STAU2: variants seen among roughly 807,000 people sequenced by gnomAD.
The protein encoded by STAU2 is staufen double-stranded RNA binding protein 2.
In STAU2, 20 loss-of-function variants were observed where a neutral mutation model predicts 65.9. The observed-to-expected ratio is 0.30, with a 90% confidence interval of 0.21 to 0.44. STAU2 has a LOEUF of 0.44. Ranked by LOEUF, STAU2 falls within the 20% of genes least tolerant of loss-of-function variation. STAU2 has a pLI of 1.00. For synonymous variants in STAU2, 232 were observed against 233.9 expected (o/e 0.99, Z 0.07); for missense variants, 558 against 683.9 (o/e 0.82, Z 2.05).
chr8:73,708,751 C>T (rs1218220959), intron 4 of STAU2, among the ~76,000 whole-genome samples: 1 of 152,082 alleles, frequency 6.6e-6, no homozygotes, highest in Non-Finnish European at 1.5e-5. Context: ...ACTTAACTTT[C>T]CTGTGCCTGA....
At chr8:73,559,648 A>C (rs1361847359) in intron 12 of STAU2, among the ~76,000 whole-genome samples, 20 of 152,296 alleles carry the variant, frequency 1.3e-4, no homozygotes, top group African/African-American at 4.3e-4. Flanking sequence ...ATGTCCCTGA[A>C]GGTCAGGGAC....
chr8:73,551,274 G>T, intron 13 of STAU2: 1 of 987,326 alleles, frequency 1.0e-6, no homozygotes, highest in South Asian at 4.7e-5. Flanking sequence ...AGAATAAATA[G>T]GGGAAAAAAA....
chr8:73,566,473 T>TA (rs1456634694), intron 12 of STAU2, among the ~76,000 whole-genome samples: 2 of 152,178 alleles, frequency 1.3e-5, no homozygotes, highest in Admixed American at 1.3e-4. Flanking sequence ...AAATGTTTTA[T>TA]AAAAAAAGAT....
intron 9 of STAU2, among the ~76,000 whole-genome samples, chr8:73,609,657 A>G (rs114237348): frequency 1.3e-5 from 2 of 151,648 alleles, no homozygotes; most frequent in Non-Finnish European, 2.9e-5. Flanking sequence ...TGTCTCAATT[A>G]AAAAAAAATT....
intron 3 of STAU2, among the ~76,000 whole-genome samples, chr8:73,729,248 G>A (rs1175094669): frequency 6.6e-6 from 1 of 152,138 alleles, no homozygotes; most frequent in Non-Finnish European, 1.5e-5. Context: ...GCAATCCTGG[G>A]AATAAGTCCC....
rs201459429 is a variant in STAU2 at position 73,696,304 on chromosome 8, CCTAA to C, written c.115-7495_115-7492del. Among the ~76,000 whole-genome samples the C allele has an allele frequency of 5.4e-3, 830 of 152,322 alleles. 6 individuals are homozygous for C. Among genetic ancestry groups the C allele is most frequent in the African/African-American group, 0.016 (651 of 41,572 alleles). Reference sequence around the variant, plus strand: ...CAGACTCTGAAGACTACAATAAATACCTAACTGTTTAAAGCCCAGACACCAACAA... The same window carrying C: ...CAGACTCTGAAGACTACAATAAATACCTGTTTAAAGCCCAGACACCAACAA... On this transcript the variant is annotated intron_variant, in intron 4 of 14. Transcript: ENST00000524300.
chr8:73,634,173 A>G (rs1814321702), intron 6 of STAU2, among the ~76,000 whole-genome samples: 1 of 152,200 alleles, frequency 6.6e-6, no homozygotes, highest in Non-Finnish European at 1.5e-5. Flanking sequence ...AAACTCCAAA[A>G]CATTCAAAAC....
intron 13 of STAU2, among the ~76,000 whole-genome samples, chr8:73,517,039 C>T (rs1219450434): frequency 6.6e-6 from 1 of 151,956 alleles, no homozygotes; most frequent in Admixed American, 6.6e-5. Flanking sequence ...AACATAGAGG[C>T]ATACAGAATA....
At chr8:73,446,535 C>T (rs1818476508) in intron 13 of STAU2, among the ~76,000 whole-genome samples, 1 of 152,192 alleles carries the variant, frequency 6.6e-6, no homozygotes, top group Admixed American at 6.5e-5. Flanking sequence ...TGTACTATTT[C>T]TACTACATTC....
At chr8:73,715,362 A>G (rs1360209499) in intron 3 of STAU2, among the ~76,000 whole-genome samples, 1 of 151,490 alleles carries the variant, frequency 6.6e-6, no homozygotes, top group Non-Finnish European at 1.5e-5. Flanking sequence ...AGGCTGAGGC[A>G]CCAGAATCGC....
intron 11 of STAU2, among the ~76,000 whole-genome samples, chr8:73,586,947 T>A (rs1170809400): frequency 1.3e-5 from 2 of 152,176 alleles, no homozygotes; most frequent in South Asian, 2.1e-4. Context: ...AAGAAATTAT[T>A]AAAGAAATAA....
chr8:73,700,548 C>A (rs1820025546), intron 4 of STAU2, among the ~76,000 whole-genome samples: 1 of 151,782 alleles, frequency 6.6e-6, no homozygotes. Flanking sequence ...AAAAAGAAAT[C>A]AAAAAAGTAA....
At chr8:73,594,302 A>C (rs73328786) in intron 11 of STAU2, among the ~76,000 whole-genome samples, 4,326 of 152,310 alleles carry the variant, frequency 0.028, 174 homozygotes, top group African/African-American at 0.095. Context: ...GAAAACAAAA[A>C]AGTACATCTA....
At position 73,688,803 on chromosome 8, in the gene STAU2, A is replaced by T. The variant is rs775015905; in HGVS notation, c.125T>A (p.Val42Glu). The T allele has an allele frequency of 3.7e-6, 6 of 1,613,982 alleles. No homozygotes were observed. The highest frequency in any genetic ancestry group is 5.1e-6 in the Non-Finnish European group (6 of 1,179,942). Residue 42 changes from valine (V) to glutamate (E), a missense_variant, in exon 5 of 15, where the codon GTG becomes GAG. This residue lies in a region of STAU2 where 112 missense variants were observed against 114.2 expected (regional missense o/e 0.98). Coordinates refer to ENST00000524300, the MANE Select transcript of STAU2 (RefSeq NM_001164380.2). ...TGTCTGCTCACCAAGACTCAGCTGC[A>T]CTGAGAACATCTTAGAAAAACATAA... ...RGPAHSKMFS[V>E]QLSLGEQTWE...
intron 9 of STAU2, among the ~76,000 whole-genome samples, chr8:73,606,652 A>G (rs375235481): frequency 6.6e-6 from 1 of 152,230 alleles, no homozygotes; most frequent in South Asian, 2.1e-4. Context: ...GTAAAAGTGC[A>G]CAGCTGCTAC....
intron 13 of STAU2, among the ~76,000 whole-genome samples, chr8:73,452,381 C>T (rs1168104727): frequency 6.6e-6 from 1 of 152,204 alleles, no homozygotes; most frequent in East Asian, 1.9e-4. Context: ...GCCCAGCCCA[C>T]CCAGTGCTGG....
At chr8:73,550,864 A>T in intron 13 of STAU2, 1 of 987,554 alleles carries the variant, frequency 1.0e-6, no homozygotes, top group Admixed American at 6.1e-5. Flanking sequence ...TGAAAAAAAA[A>T]TCCGAACATG....
At chr8:73,572,009 T>C (rs1235803569) in intron 12 of STAU2, among the ~76,000 whole-genome samples, 4 of 152,028 alleles carry the variant, frequency 2.6e-5, no homozygotes, top group Admixed American at 2.0e-4. Flanking sequence ...CTAGCAAGAC[T>C]AATAAAGATG....
intron 5 of STAU2, among the ~76,000 whole-genome samples, chr8:73,682,139 T>C (rs1818475517): frequency 6.6e-6 from 1 of 152,090 alleles, no homozygotes; most frequent in South Asian, 2.1e-4. Context: ...TTAACAGATA[T>C]ATACAGAACA....
Sources: allele counts gnomAD v4.1 joint callset (sites outside exome capture counted in the v4.1 genomes callset), GRCh38; gene constraint gnomAD v4.1.1; regional missense constraint gnomAD v4.1.1; transcripts MANE v1.5; gene names NCBI Gene and HGNC (gene_info 2026-07-23, HGNC 2026-07-21).